The following MUC4 variants were observed in gnomAD, a reference collection of about 807,000 sequenced individuals.
MUC4 encodes the protein mucin 4, cell surface associated, also known as mucin-4.
In MUC4, 202 loss-of-function variants were observed where a neutral mutation model predicts 257.9. That is an observed-to-expected ratio of 0.78 (90% confidence interval 0.70 to 0.88). The LOEUF is 0.88. MUC4 is among the 40% of genes least tolerant of loss of function. MUC4 has a pLI of 0.00. For synonymous variants in MUC4, 2,351 were observed against 2,757.1 expected (o/e 0.85, Z 4.62); for missense variants, 5,976 against 6,513.7 (o/e 0.92, Z 2.84).
At chr3:195,766,914 G>A (rs1459006165) in intron 7 of MUC4, among the ~76,000 whole-genome samples, 163 bp from the exon 8 acceptor site, 1 of 152,204 alleles carries the variant, frequency 6.6e-6, no homozygotes, top group East Asian at 1.9e-4. Context: ...CCCCAGCACT[G>A]AGCAGGAGAG....
chr3:195,751,926 C>T (rs1036050507), intron 21 of MUC4: 31 of 213,792 alleles, frequency 1.5e-4, no homozygotes, highest in Non-Finnish European at 2.3e-4. Context: ...CACACCTGCT[C>T]TAGTGAGGGG....
intron 24 of MUC4, among the ~76,000 whole-genome samples, chr3:195,748,321 T>C (rs778986963): frequency 2.6e-5 from 4 of 152,262 alleles, no homozygotes; most frequent in Non-Finnish European, 4.4e-5. Context: ...CTCAGCACTT[T>C]GGGAGGCCAA....
chr3:195,751,140 G>GC, intron 22 of MUC4, 28 bp from the exon 23 acceptor site: 1 of 1,525,048 alleles, frequency 6.6e-7, no homozygotes. Context: ...GGTGAGGGGG[G>GC]GTGGGGGGCT....
At chr3:195,774,399 A>T in intron 3 of MUC4, 94 bp from the exon 4 acceptor site, 1 of 1,415,134 alleles carries the variant, frequency 7.1e-7, no homozygotes, top group Non-Finnish European at 9.3e-7. Context: ...CAGGCTGCCC[A>T]CACCTGTCCT....
intron 1 of MUC4, among the ~76,000 whole-genome samples, chr3:195,794,220 G>A (rs968267446): frequency 6.6e-6 from 1 of 151,584 alleles, no homozygotes; most frequent in Admixed American, 6.6e-5. Flanking sequence ...TACCATCTTC[G>A]TGAATATTAC....
At position 195,779,089 on chromosome 3, in the gene MUC4, G is replaced by T; in HGVS notation, c.12491C>A (p.Thr4164Asn). The part of the protein sequence containing the change: ...SSGHTTSLPV[T>N]DASSVSTGHG... ...ACCTGTGGACACTGAGGAAGCGTCGGTGACAGGAAGAGAGGTGGTGTGACC... is the reference window on the plus strand; with the variant it reads ...ACCTGTGGACACTGAGGAAGCGTCGTTGACAGGAAGAGAGGTGGTGTGACC... The change falls in exon 2 of 25, where the codon ACC becomes AAC. Residue 4164 changes from threonine (T) to asparagine (N), a missense_variant. Physicochemically the swap from Thr to Asn is moderately conservative, Grantham distance 65. Transcript: ENST00000463781. 6.0e-6 allele frequency: 4 copies of T among 666,068 alleles called. No homozygotes were observed. The highest frequency in any genetic ancestry group is 7.9e-6 in the Non-Finnish European group (4 of 507,818). The allele number at this position is 666,068 out of a possible 1,614,324, so 41.3% of individuals were successfully genotyped here. A position where few individuals can be genotyped will look rare whatever the true frequency, so the allele number is the denominator to read the frequency against.
intron 3 of MUC4, among the ~76,000 whole-genome samples, chr3:195,777,981 G>T (rs1725356373): frequency 6.6e-6 from 1 of 151,756 alleles, no homozygotes; most frequent in Admixed American, 6.6e-5. Flanking sequence ...TCCCTGCCTG[G>T]GGTGCTCCTC....
chr3:195,753,197 G>A lies in MUC4; in HGVS notation c.15362C>T (p.Ser5121Phe). The change falls in exon 20 of 25, where the codon TCC becomes TTC. Residue 5121 changes from serine to phenylalanine, a missense_variant. By Grantham distance (155) the Ser-to-Phe change is radical (BLOSUM62 -2). Around this residue, in one of 44 missense-constraint regions of MUC4, gnomAD observed 996 missense variants for 1,137.3 expected, o/e 0.88. Coordinates refer to ENST00000463781, the MANE Select transcript of MUC4 (RefSeq NM_018406.7). ...LGSSFLCQNQ[S>F]CPVNYCYNQG... Reference sequence around the variant, plus strand: ...ATTGTAGCAGTAATTCACAGGGCAGGACTGGTTCTGACACAGGAAAGAGCT... The same window carrying A: ...ATTGTAGCAGTAATTCACAGGGCAGAACTGGTTCTGACACAGGAAAGAGCT... 1.9e-6 allele frequency: 3 copies of A among 1,614,026 alleles called. No homozygotes were observed. Among genetic ancestry groups the A allele is most frequent in the Non-Finnish European group, 2.5e-6 (3 of 1,179,930 alleles).
At chr3:195,754,070 C>G (rs1717026920) in intron 19 of MUC4, 143 bp downstream of exon 19, 1 of 1,169,204 alleles carries the variant, frequency 8.6e-7, no homozygotes, top group Non-Finnish European at 1.2e-6. Context: ...CCACACCTGC[C>G]TAGATTTCCC....
Position 195,791,331 on chromosome 3 carries a change from C to T in MUC4, c.249G>A (p.Glu83=). The stretch of plus-strand genomic sequence containing the variant: ...TGTCGGTTTGAGCTTTGCTGGTGGT[C>T]TCCGTGCTCTTAGTCTGGTGGTTCT... ...SSQNHQTKST[E]TTSKAQTDTL... The change falls in exon 2 of 25, where the codon GAG becomes GAA. Residue 83 remains glutamate (E), a synonymous_variant. Coordinates refer to ENST00000463781, the MANE Select transcript of MUC4 (RefSeq NM_018406.7). 1 of 1,613,886 alleles carries T rather than the reference C, an allele frequency of 6.2e-7. No homozygotes were observed. Among genetic ancestry groups the T allele is most frequent in the Non-Finnish European group, 8.5e-7 (1 of 1,179,890 alleles).
At position 195,789,424 on chromosome 3, in the gene MUC4, C is replaced by T. The variant is rs1196279838; in HGVS notation, c.2156G>A (p.Ser719Asn). Residue 719 changes from serine to asparagine, a missense_variant, in exon 2 of 25, where the codon AGC becomes AAC. This residue lies in a region of MUC4 where 1,583 missense variants were observed against 1,257.4 expected (regional missense o/e 1.26). Coordinates refer to ENST00000463781, the MANE Select transcript of MUC4 (RefSeq NM_018406.7). ...PTTALQAAPS[S>N]HDATLGPSGG... ...TGAGGGCCCCAGGGTGGCATCATGGCTGCTGGGTGCTGCCTGCAGTGCTGT... is the reference window on the plus strand; with the variant it reads ...TGAGGGCCCCAGGGTGGCATCATGGTTGCTGGGTGCTGCCTGCAGTGCTGT... The T allele has an allele frequency of 6.2e-7, 1 of 1,613,946 alleles. No individual in the cohort carries two copies. Among genetic ancestry groups the T allele is most frequent in the Non-Finnish European group, 8.5e-7 (1 of 1,179,880 alleles).
At chr3:195,767,943 C>G (rs1436105402) in intron 7 of MUC4, among the ~76,000 whole-genome samples, 6 of 90,478 alleles carry the variant, frequency 6.6e-5, no homozygotes, top group African/African-American at 1.9e-4. Flanking sequence ...GCCACTACCA[C>G]CACCACCACC....
rs772619606 is a variant in MUC4 at position 195,766,593 on chromosome 3, G to A, written c.13618+70C>T. The A allele has an allele frequency of 1.9e-4, 258 of 1,391,842 alleles. 2 individuals carry two copies. The highest frequency in any genetic ancestry group is 1.6e-4 in the Non-Finnish European group (161 of 979,408). The allele number at this position is 1,391,842 out of a possible 1,614,324, so 86.2% of individuals were successfully genotyped here. A position where few individuals can be genotyped will look rare whatever the true frequency, so the allele number is the denominator to read the frequency against. On this transcript the variant is annotated intron_variant, in intron 8 of 24. Coordinates refer to ENST00000463781, the MANE Select transcript of MUC4 (RefSeq NM_018406.7). ...TTAGGGAGGTGCCCTCTAGGACTGC[G>A]ATGGTGTATGGGCTGGAGGACACGC...
intron 3 of MUC4, among the ~76,000 whole-genome samples, chr3:195,775,205 T>C (rs879475661): frequency 6.6e-6 from 1 of 152,088 alleles, no homozygotes; most frequent in Non-Finnish European, 1.5e-5. Context: ...ACTTGTTAAA[T>C]GCCATTTGTA....
chr3:195,806,569 C>T (rs1025377246), intron 1 of MUC4, among the ~76,000 whole-genome samples: 2 of 152,230 alleles, frequency 1.3e-5, no homozygotes, highest in African/African-American at 4.8e-5. Flanking sequence ...AGAACAATGT[C>T]AGGAACTTAA....
In MUC4 at chr3:195,780,826, A is replaced by G. The variant is rs1727319433; in HGVS notation, c.10754T>C (p.Leu3585Pro). 1 of 1,126,036 alleles carries G rather than the reference A, an allele frequency of 8.9e-7. No homozygotes were observed. Among genetic ancestry groups the G allele is most frequent in the Non-Finnish European group, 1.2e-6 (1 of 808,720 alleles). 69.8% of individuals were successfully genotyped at this position (1,126,036 alleles called of 1,614,324 possible). The change falls in exon 2 of 25, where the codon CTT (leucine) becomes CCT (proline). Residue 3585 changes from leucine (L) to proline (P), a missense_variant. Leu to Pro is a moderately conservative substitution (Grantham distance 98). Around this residue, in one of 44 missense-constraint regions of MUC4, gnomAD observed 59 missense variants for 149.8 expected, o/e 0.39. Coordinates refer to ENST00000463781, the MANE Select transcript of MUC4 (RefSeq NM_018406.7). The part of the protein sequence containing the change: ...SSVSTGDTTP[L>P]LVTDASSVST... ...TACTGAGGAAGCGTCGGTGACAAGA[A>G]GAGGGGTGGTGTCACCTGTGGATAC... is the stretch of plus-strand genomic sequence containing the variant.
In MUC4 at chr3:195,780,315, T is replaced by G. The variant is rs373109620; in HGVS notation, c.11265A>C (p.Thr3755=). 9.8e-6 allele frequency: 15 copies of G among 1,526,554 alleles called. No individual in the cohort carries two copies. Among genetic ancestry groups the G allele is most frequent in the Admixed American group, 8.1e-5 (4 of 49,662 alleles). 94.6% of individuals were successfully genotyped at this position (1,526,554 alleles called of 1,614,324 possible). ...TGACAAGAAGAGGGGTGGCGTGACC[T>G]GTGGATGCTGAGGAAGTGCTGGTGA... ...LPVTSTSSAS[T]GHATPLLVTD... Residue 3755 remains threonine, a synonymous_variant, in exon 2 of 25, where the codon ACA becomes ACC. Coordinates refer to ENST00000463781, the MANE Select transcript of MUC4 (RefSeq NM_018406.7).
At chr3:195,806,110 T>G (rs1735956912) in intron 1 of MUC4, among the ~76,000 whole-genome samples, 1 of 152,198 alleles carries the variant, frequency 6.6e-6, no homozygotes, top group South Asian at 2.1e-4. Flanking sequence ...AGTGAGACTC[T>G]GTCTCAAAAA....
At chr3:195,778,205 C>A in intron 3 of MUC4, 98 bp downstream of exon 3, 3 of 1,431,712 alleles carry the variant, frequency 2.1e-6, no homozygotes, top group South Asian at 2.9e-5. Context: ...TAAGGCCCTC[C>A]CCACCCGAGA....
Sources: allele counts gnomAD v4.1 joint callset (sites outside exome capture counted in the v4.1 genomes callset), GRCh38; gene constraint gnomAD v4.1.1; regional missense constraint gnomAD v4.1.1; transcripts MANE v1.5; gene names NCBI Gene and HGNC (gene_info 2026-07-23, HGNC 2026-07-21).